The following TFAP2D variants were observed in gnomAD, a reference collection of about 807,000 sequenced individuals.
TFAP2D encodes transcription factor AP-2 delta, also known as transcription factor AP-2-delta.
A neutral mutation model predicts 43.6 loss-of-function variants in TFAP2D; 9 were observed. The observed-to-expected ratio is 0.21, with a 90% confidence interval of 0.12 to 0.36. The LOEUF is 0.36. Among genes scored for constraint, TFAP2D ranks in the 10% least tolerant of loss-of-function variants. TFAP2D has a pLI of 1.00. For synonymous variants in TFAP2D, 256 were observed against 224.9 expected, an observed-to-expected ratio of 1.14 and a Z score of -1.24; for missense variants, 513 against 561.4, an observed-to-expected ratio of 0.91 and a Z score of 0.87.
chr6:50,753,854 G>A (rs183453370), intron 7 of TFAP2D, among the ~76,000 whole-genome samples: 114 of 151,636 alleles, frequency 7.5e-4, no homozygotes, highest in African/African-American at 2.5e-3. Flanking sequence ...TTCTTTAATT[G>A]TAGTCAAAAT....
chr6:50,762,913 T>C (rs897021495), intron 7 of TFAP2D, among the ~76,000 whole-genome samples: 1 of 152,102 alleles, frequency 6.6e-6, no homozygotes, highest in African/African-American at 2.4e-5. Context: ...CCAAGGTAGA[T>C]GCAGTCTCTA....
chr6:50,764,162 G>A (rs933889077), intron 7 of TFAP2D, among the ~76,000 whole-genome samples: 1 of 151,992 alleles, frequency 6.6e-6, no homozygotes, highest in African/African-American at 2.4e-5. Context: ...ATTTCTCAAA[G>A]ATTAAAGATT....
intron 3 of TFAP2D, among the ~76,000 whole-genome samples, chr6:50,726,243 C>T (rs1314610216): frequency 2.6e-5 from 4 of 152,158 alleles, no homozygotes; most frequent in Non-Finnish European, 5.9e-5. Flanking sequence ...AGAGCCTGAT[C>T]TAACAACTTC....
chr6:50,722,318 CT>C (rs1269598749), intron 3 of TFAP2D, among the ~76,000 whole-genome samples: 1 of 152,116 alleles, frequency 6.6e-6, no homozygotes, highest in African/African-American at 2.4e-5. Flanking sequence ...CGGGCGTAGG[CT>C]TTGATATGTT....
At chr6:50,759,314 A>G (rs372685785) in intron 7 of TFAP2D, among the ~76,000 whole-genome samples, 2 of 151,952 alleles carry the variant, frequency 1.3e-5, no homozygotes, top group East Asian at 1.9e-4. Flanking sequence ...TACCAGCTAG[A>G]TGTGTGGATT....
chr6:50,754,443 C>T (rs1205111079), intron 7 of TFAP2D, among the ~76,000 whole-genome samples: 3 of 151,814 alleles, frequency 2.0e-5, no homozygotes, highest in Non-Finnish European at 2.9e-5. Context: ...TCTTGACTAT[C>T]ATGACTAGTG....
chr6:50,770,447 A>T (rs188288364), intron 7 of TFAP2D, among the ~76,000 whole-genome samples: 59 of 152,150 alleles, frequency 3.9e-4, no homozygotes, highest in African/African-American at 1.3e-3. Context: ...GTTAACTATG[A>T]TGGAGGCTCA....
chr6:50,769,867 A>T (rs1278600203), intron 7 of TFAP2D, among the ~76,000 whole-genome samples: 1 of 152,224 alleles, frequency 6.6e-6, no homozygotes, highest in African/African-American at 2.4e-5. Context: ...AACTAGAATT[A>T]TATGAAGTGA....
chr6:50,746,382 C>A (rs1008101282), intron 6 of TFAP2D, among the ~76,000 whole-genome samples: 1 of 151,902 alleles, frequency 6.6e-6, no homozygotes, highest in Non-Finnish European at 1.5e-5. Context: ...AGACTACAGG[C>A]ATGAGCCAGC....
intron 7 of TFAP2D, among the ~76,000 whole-genome samples, chr6:50,754,332 C>A (rs1309014296): frequency 6.6e-6 from 1 of 151,364 alleles, no homozygotes; most frequent in African/African-American, 2.4e-5. Context: ...CACAATATTT[C>A]TGTGTGTGTG....
At chr6:50,735,611 A>G (rs1469777194) in intron 5 of TFAP2D, among the ~76,000 whole-genome samples, 1 of 152,142 alleles carries the variant, frequency 6.6e-6, no homozygotes, top group Non-Finnish European at 1.5e-5. Context: ...AAAGGATGCC[A>G]GTTCATTAAG....
chr6:50,722,827 G>T (rs894173683), intron 3 of TFAP2D, among the ~76,000 whole-genome samples: 1 of 151,752 alleles, frequency 6.6e-6, no homozygotes, highest in African/African-American at 2.4e-5. Context: ...GGGGGCGGGG[G>T]ATGGGAGAGG....
Position 50,721,155 on chromosome 6 carries a change from T to C in TFAP2D, c.598+2005T>C, listed in dbSNP as rs535218488. On this transcript the variant is annotated intron_variant, in intron 3 of 7. Transcript: ENST00000008391. The stretch of plus-strand genomic sequence containing the variant: ...TCCTTAGGTGATGCTTTATTATTCC[T>C]GTAGAATTCGGTCCCTATTCGTTTC... Among the ~76,000 whole-genome samples, 22 of 152,342 alleles carry C rather than the reference T, an allele frequency of 1.4e-4. No homozygotes were observed. The South Asian group carries it at 4.6e-3, about 32-fold the overall frequency.
At chr6:50,714,546 C>T (rs953956389) in intron 1 of TFAP2D, among the ~76,000 whole-genome samples, 3 of 152,066 alleles carry the variant, frequency 2.0e-5, no homozygotes, top group Non-Finnish European at 4.4e-5. Context: ...CCTCGAATGA[C>T]TAAGGAAGGG....
At chr6:50,731,495 A>T (rs1053780499) in intron 5 of TFAP2D, among the ~76,000 whole-genome samples, 3 of 151,984 alleles carry the variant, frequency 2.0e-5, no homozygotes, top group African/African-American at 7.2e-5. Flanking sequence ...AGTACTATGT[A>T]CAATATTCTC....
intron 7 of TFAP2D, among the ~76,000 whole-genome samples, chr6:50,765,387 G>A (rs1483328553): frequency 6.6e-6 from 1 of 152,172 alleles, no homozygotes; most frequent in Non-Finnish European, 1.5e-5. Flanking sequence ...AACCAGAAAT[G>A]GGATTGCAGG....
rs140727813 is a variant in TFAP2D at position 50,728,907 on chromosome 6, G to A, written c.650G>A (p.Arg217His). The change falls in exon 4 of 8, where the codon CGT (arginine) becomes CAT (histidine). Residue 217 changes from arginine (R) to histidine (H), a missense_variant. Arg to His is a conservative substitution (Grantham distance 29, BLOSUM62 0). Transcript: ENST00000008391. ...PTDLFCSVPG[R>H]LSLLSSTSKY... ...GACTTATTTTGCTCTGTCCCTGGCC[G>A]TTTGTCCCTTCTTAGTTCTACTTCC... 3.1e-6 allele frequency: 5 copies of A among 1,613,964 alleles called. No homozygotes were observed. Among genetic ancestry groups the A allele is most frequent in the African/African-American group, 1.3e-5 (1 of 75,006 alleles).
intron 7 of TFAP2D, among the ~76,000 whole-genome samples, chr6:50,770,598 C>T (rs866700495): frequency 8.6e-5 from 13 of 152,008 alleles, no homozygotes; most frequent in Admixed American, 2.6e-4. Context: ...GAGCCCTTTG[C>T]GTAGACTAAT....
chr6:50,756,257 A>G lies in TFAP2D; in HGVS notation c.1139+4933A>G, dbSNP rs1769264081. Among the ~76,000 whole-genome samples the G allele has an allele frequency of 2.0e-5, 3 of 152,134 alleles. 1 individual carries two copies. The highest frequency in any genetic ancestry group is 2.9e-5 in the Non-Finnish European group (2 of 67,990). ...GAGAAAGATGAATTACGAAGGAGAC[A>G]TATCACATCTGACTTTGAAAGCAGA... On this transcript the variant is annotated intron_variant, in intron 7 of 7. Transcript: ENST00000008391.
Sources: gnomAD v4.1 joint callset for allele counts (sites outside exome capture counted in the v4.1 genomes callset) on GRCh38, gnomAD v4.1.1 for gene constraint, MANE v1.5 for transcripts, NCBI Gene and HGNC (gene_info 2026-07-23, HGNC 2026-07-21) for gene names.